The following RBFOX1 variants were observed in gnomAD, a reference collection of about 807,000 sequenced individuals.
RBFOX1 encodes RNA binding fox-1 homolog 1, also known as RNA binding protein fox-1 homolog 1.
A neutral mutation model predicts 57.7 loss-of-function variants in RBFOX1; 8 were observed. The observed-to-expected ratio is 0.14, with a 90% CI of 0.08 to 0.25. RBFOX1 has a LOEUF of 0.25. Ranked by LOEUF, RBFOX1 falls within the 10% of genes least tolerant of loss-of-function variation. RBFOX1 has a pLI of 1.00. For missense variants in RBFOX1, 611 were observed against 548.5 expected (o/e 1.11, Z -1.14); for synonymous variants, 326 against 222.4 (o/e 1.47, Z -4.15).
chr16:5,358,856 C>T (rs934988427), intron 1 of RBFOX1, among the ~76,000 whole-genome samples: 2 of 152,130 alleles, frequency 1.3e-5, no homozygotes, highest in Non-Finnish European at 2.9e-5. Flanking sequence ...GCAATTCAGT[C>T]ATATTGACTA....
chr16:6,924,787 T>A (rs2075219021), intron 3 of RBFOX1, among the ~76,000 whole-genome samples: 1 of 151,322 alleles, frequency 6.6e-6, no homozygotes, highest in Non-Finnish European at 1.5e-5. Context: ...CCCATTAACT[T>A]GTCATTTAGC....
intron 1 of RBFOX1, among the ~76,000 whole-genome samples, chr16:6,142,649 G>C (rs867252970): frequency 1.3e-5 from 2 of 152,312 alleles, no homozygotes; most frequent in South Asian, 2.1e-4. Context: ...AGTGAGTACT[G>C]ATTGGTTGAA....
chr16:5,410,426 A>T (rs973340394), intron 1 of RBFOX1, among the ~76,000 whole-genome samples: 1 of 152,200 alleles, frequency 6.6e-6, no homozygotes, highest in East Asian at 1.9e-4. Context: ...GACCAGGGAA[A>T]GGTTTCCCAA....
intron 4 of RBFOX1, among the ~76,000 whole-genome samples, chr16:7,505,176 T>C (rs1450567386): frequency 1.3e-5 from 2 of 150,436 alleles, no homozygotes; most frequent in Non-Finnish European, 2.9e-5. Flanking sequence ...TGTACATGTG[T>C]GTGTGTGCTC....
chr16:6,053,661 T>G (rs2095579960), intron 1 of RBFOX1, among the ~76,000 whole-genome samples: 2 of 152,078 alleles, frequency 1.3e-5, no homozygotes, highest in Middle Eastern at 3.2e-3. Flanking sequence ...ATAAAACATT[T>G]TTCTGCTTGT....
chr16:5,988,968 G>C (rs1329123842), intron 4 of RBFOX1, among the ~76,000 whole-genome samples: 1 of 151,968 alleles, frequency 6.6e-6, no homozygotes, highest in African/African-American at 2.4e-5. Flanking sequence ...GTGTGACCTT[G>C]GGTGAGTTGC....
intron 2 of RBFOX1, among the ~76,000 whole-genome samples, chr16:6,620,478 A>C (rs978146393): frequency 6.6e-6 from 1 of 152,208 alleles, no homozygotes; most frequent in African/African-American, 2.4e-5. Context: ...CTAGCAGAAG[A>C]CAGGAAATAA....
intron 1 of RBFOX1, among the ~76,000 whole-genome samples, chr16:6,026,719 A>G (rs921347731): frequency 6.6e-6 from 1 of 152,206 alleles, no homozygotes; most frequent in African/African-American, 2.4e-5. Context: ...CACTGGTGCA[A>G]TCTGGCTCTT....
chr16:6,924,550 G>T (rs2075165042), intron 3 of RBFOX1, among the ~76,000 whole-genome samples: 1 of 152,082 alleles, frequency 6.6e-6, no homozygotes, highest in African/African-American at 2.4e-5. Context: ...TTCAACATGA[G>T]ATTTAGAGAG....
chr16:5,997,013 CCG>C (rs2060502226), intron 4 of RBFOX1, among the ~76,000 whole-genome samples: 1 of 150,542 alleles, frequency 6.6e-6, no homozygotes, highest in African/African-American at 2.5e-5. Context: ...GGAAGCACCT[CCG>C]TCTCTGCTGG....
intron 2 of RBFOX1, among the ~76,000 whole-genome samples, chr16:6,566,530 C>G (rs2097268568): frequency 6.6e-6 from 1 of 152,102 alleles, no homozygotes; most frequent in African/African-American, 2.4e-5. Flanking sequence ...TGGTTTCAAA[C>G]CATAGGCTGC....
In RBFOX1 at chr16:7,599,638, C is replaced by CTTTTTTTTTTTTTTTTTTTTTTTT. The variant is rs542898195; in HGVS notation, c.622+2219_622+2220insTTTTTTTTTTTTTTTTTTTTTTTT. ...GAGAAGATGAAGAAATTAATAAAGACTTTTTTTTTTTTCTTTTTTTTTTTT... is the reference window on the plus strand; with the variant it reads ...GAGAAGATGAAGAAATTAATAAAGACTTTTTTTTTTTTTTTTTTTTTTTTTTTTTTTTTTTTCTTTTTTTTTTTT... On this transcript the variant is annotated intron_variant, in intron 9 of 15. Coordinates refer to ENST00000550418, the MANE Select transcript of RBFOX1 (RefSeq NM_018723.4). Among the ~76,000 whole-genome samples, 4 of 62,804 alleles carry CTTTTTTTTTTTTTTTTTTTTTTTT rather than the reference C, an allele frequency of 6.4e-5. 2 individuals carry two copies. The highest frequency in any genetic ancestry group is 2.0e-4 in the African/African-American group (4 of 20,312). 41.2% of individuals were successfully genotyped at this position (62,804 alleles called of 152,430 possible). A position where few individuals can be genotyped will look rare whatever the true frequency, so the allele number is the denominator to read the frequency against.
intron 3 of RBFOX1, among the ~76,000 whole-genome samples, chr16:6,961,329 C>T (rs959487170): frequency 2.6e-5 from 4 of 152,124 alleles, no homozygotes; most frequent in African/African-American, 7.2e-5. Flanking sequence ...AAGTGGAGCC[C>T]CTGGGTCCCT....
intron 3 of RBFOX1, among the ~76,000 whole-genome samples, chr16:5,778,181 G>A (rs983490344): frequency 6.6e-6 from 1 of 152,100 alleles, no homozygotes; most frequent in African/African-American, 2.4e-5. Context: ...AGGTGGGGAG[G>A]AATGGCAATA....
intron 3 of RBFOX1, among the ~76,000 whole-genome samples, chr16:5,810,850 C>G (rs1452159404): frequency 6.6e-6 from 1 of 152,062 alleles, no homozygotes; most frequent in East Asian, 1.9e-4. Flanking sequence ...GGAATGTTCT[C>G]TTGTTTAGAA....
intron 2 of RBFOX1, among the ~76,000 whole-genome samples, chr16:6,654,215 G>A (rs960014361): frequency 1.3e-5 from 2 of 152,160 alleles, no homozygotes; most frequent in Non-Finnish European, 2.9e-5. Flanking sequence ...AATTTGTGTT[G>A]AAGTGAGACA....
intron 1 of RBFOX1, among the ~76,000 whole-genome samples, chr16:5,414,214 A>G (rs1469976843): frequency 6.6e-6 from 1 of 152,164 alleles, no homozygotes; most frequent in Non-Finnish European, 1.5e-5. Context: ...GGAAGCCAGG[A>G]TGCCAGGTTT....
At chr16:7,081,658 G>C (rs990535072) in intron 4 of RBFOX1, among the ~76,000 whole-genome samples, 1 of 151,952 alleles carries the variant, frequency 6.6e-6, no homozygotes, top group East Asian at 1.9e-4. Flanking sequence ...CTCAAGAGTT[G>C]GGTAGTCAAG....
chr16:5,326,413 C>A (rs1046933893), intron 1 of RBFOX1, among the ~76,000 whole-genome samples: 6 of 152,200 alleles, frequency 3.9e-5, no homozygotes, highest in African/African-American at 1.4e-4. Flanking sequence ...TGAGCCCCAT[C>A]CATACACTTG....
Sources: allele counts gnomAD v4.1 joint callset (sites outside exome capture counted in the v4.1 genomes callset), GRCh38; gene constraint gnomAD v4.1.1; transcripts MANE v1.5; gene names NCBI Gene and HGNC (gene_info 2026-07-23, HGNC 2026-07-21).